The following POLR1C variants were observed in gnomAD, a reference collection of about 807,000 sequenced individuals.
POLR1C encodes the protein RNA polymerase I and III subunit C.
POLR1C carries 42 observed loss-of-function variants against 38.3 expected under a neutral mutation model. The ratio of observed to expected loss-of-function variants is 1.10; its 90% confidence interval spans 0.86 to 1.42. The LOEUF (loss-of-function observed/expected upper bound fraction) is 1.42. POLR1C is among the 40% of genes most tolerant of loss of function. POLR1C has a pLI of 0.00. For missense variants in POLR1C, 507 were observed against 450.5 expected, an observed-to-expected ratio of 1.13 and a Z score of -1.14; for synonymous variants, 163 against 163.9, an observed-to-expected ratio of 0.99 and a Z score of 0.04.
intron 2 of POLR1C, 70 bp from the exon 3 acceptor site, chr6:43,519,262 TA>T: frequency 1.1e-6 from 1 of 912,058 alleles, no homozygotes; most frequent in Non-Finnish European, 1.8e-6. Context: ...GGGAATTATC[TA>T]AGGGGGAGGT....
At chr6:43,539,847 A>G in intron 9 of POLR1C, 1 of 512,106 alleles carries the variant, frequency 2.0e-6, no homozygotes, top group Non-Finnish European at 3.4e-6. Context: ...TAATTTAACT[A>G]CTACCAATAT....
At chr6:43,560,787 T>A in intron 10 of POLR1C, 1 of 728,592 alleles carries the variant, frequency 1.4e-6, no homozygotes, top group Non-Finnish European at 2.3e-6. Flanking sequence ...ATTCTCTTAA[T>A]GAAATGACAC....
At chr6:43,556,661 T>G (rs1420220699) in intron 10 of POLR1C, among the ~76,000 whole-genome samples, 1 of 152,156 alleles carries the variant, frequency 6.6e-6, no homozygotes, top group East Asian at 1.9e-4. Flanking sequence ...GCAATTCTAC[T>G]CCTAGTTATA....
chr6:43,522,666 C>A, downstream of POLR1C: 1 of 472,426 alleles, frequency 2.1e-6, no homozygotes, highest in Non-Finnish European at 4.5e-6. Flanking sequence ...TGGCCCGCAC[C>A]AGCTAAAAAC....
chr6:43,551,417 T>C, intron 10 of POLR1C: 3 of 1,613,970 alleles, frequency 1.9e-6, no homozygotes, highest in Non-Finnish European at 2.5e-6. Flanking sequence ...TTCAGAACCA[T>C]CTGCAATAGC....
intron 9 of POLR1C, chr6:43,549,856 A>G (rs752996754): frequency 1.3e-6 from 2 of 1,581,370 alleles, no homozygotes; most frequent in Non-Finnish European, 8.6e-7. Context: ...TTTGTACTCA[A>G]GAAGTTAGAA....
At chr6:43,525,626 G>A, downstream of POLR1C, 1 of 576,258 alleles carries the variant, frequency 1.7e-6, no homozygotes, top group Non-Finnish European at 3.0e-6. Flanking sequence ...TGCCTACTAT[G>A]TGTTTTCCTG....
intron 9 of POLR1C, chr6:43,549,879 A>T (rs1795144992): frequency 6.2e-7 from 1 of 1,605,722 alleles, no homozygotes; most frequent in Non-Finnish European, 8.5e-7. Flanking sequence ...TATTGGTTTA[A>T]TTAATGGTCT....
At chr6:43,538,932 C>T (rs946914646) in intron 9 of POLR1C, 91 of 1,286,088 alleles carry the variant, frequency 7.1e-5, no homozygotes, top group Non-Finnish European at 1.0e-4. Flanking sequence ...AATACAGTCT[C>T]CTTCCAGAGG....
chr6:43,527,561 A>G (rs918481805), intron 8 of POLR1C: 2 of 1,492,586 alleles, frequency 1.3e-6, no homozygotes, highest in Admixed American at 1.7e-5. Context: ...TCAGGCCTTC[A>G]TGGAGTTGGC....
At chr6:43,553,355 T>A in intron 10 of POLR1C, 1 of 1,601,712 alleles carries the variant, frequency 6.2e-7, no homozygotes, top group Non-Finnish European at 8.5e-7. Context: ...GCAGTCAGCA[T>A]GGGAAATAAT....
rs111634867 is a variant in POLR1C, at chr6:43,553,526, TACACACACAC to T, written c.*48+2529_*48+2538del. On this transcript the variant is annotated intron_variant, in intron 10 of 10. Coordinates refer to the POLR1C transcript ENST00000607635. ...AAGCTTTAAAACACACACACACACA[TACACACACAC>T]ACACACACACACAATTATCAGCATT... The T allele has an allele frequency of 9.7e-6, 14 of 1,447,422 alleles. No homozygotes were observed. The East Asian group carries it at 2.1e-4, about 22-fold the overall frequency. 89.7% of individuals were successfully genotyped at this position (1,447,422 alleles called of 1,614,324 possible).
intron 10 of POLR1C, among the ~76,000 whole-genome samples, chr6:43,557,598 A>T (rs1045135837): frequency 6.6e-6 from 1 of 152,050 alleles, no homozygotes; most frequent in Non-Finnish European, 1.5e-5. Context: ...TAGGACTGGG[A>T]GAGATGAGGG....
downstream of POLR1C, chr6:43,525,771 C>G: frequency 6.6e-7 from 1 of 1,526,452 alleles, no homozygotes; most frequent in Middle Eastern, 1.7e-4. Context: ...CACCATAGAG[C>G]AAGAAAAGTA....
intron 9 of POLR1C, among the ~76,000 whole-genome samples, chr6:43,541,929 A>T (rs1460205025): frequency 1.3e-5 from 2 of 152,070 alleles, no homozygotes; most frequent in Non-Finnish European, 1.5e-5. Flanking sequence ...AAGCATGCAC[A>T]CCACCACGCC....
intron 9 of POLR1C, among the ~76,000 whole-genome samples, chr6:43,545,085 C>T (rs1336408997): frequency 6.6e-6 from 1 of 151,928 alleles, no homozygotes; most frequent in Non-Finnish European, 1.5e-5. Context: ...GTTGGCCAGG[C>T]TGGTCTGAAA....
At chr6:43,558,106 A>C (rs533745147) in intron 10 of POLR1C, among the ~76,000 whole-genome samples, 18 of 152,138 alleles carry the variant, frequency 1.2e-4, no homozygotes, top group African/African-American at 3.4e-4. Context: ...AAAAAAAAAA[A>C]CAAACAAAAA....
At chr6:43,525,995 C>T (rs1211163626), downstream of POLR1C, 12 of 1,546,106 alleles carry the variant, frequency 7.8e-6, no homozygotes, top group Non-Finnish European at 1.1e-5. Flanking sequence ...GACAGAAGCG[C>T]AAAAAACAAA....
chr6:43,533,631 G>A (rs1027367361), downstream of POLR1C: 9 of 250,010 alleles, frequency 3.6e-5, no homozygotes, highest in Admixed American at 1.5e-4. Context: ...GATGATAAGA[G>A]TTCAAGACCA....
Sources: gnomAD v4.1 joint callset for allele counts (sites outside exome capture counted in the v4.1 genomes callset) on GRCh38, gnomAD v4.1.1 for gene constraint, MANE v1.5 for transcripts, NCBI Gene and HGNC (gene_info 2026-07-23, HGNC 2026-07-21) for gene names.